ZC3H4: variants seen among roughly 807,000 people sequenced by gnomAD.
ZC3H4 encodes the protein zinc finger CCCH-type containing 4.
In ZC3H4, 13 loss-of-function variants were observed where a neutral mutation model predicts 108.3. That is an observed-to-expected ratio of 0.12 (90% CI 0.08 to 0.19). The LOEUF (loss-of-function observed/expected upper bound fraction) is 0.19. Among genes scored for constraint, ZC3H4 ranks in the 10% least tolerant of loss-of-function variants. The pLI is 1.00. For synonymous variants in ZC3H4, 917 were observed against 749.6 expected (o/e 1.22, Z -3.65); for missense variants, 1,734 against 1,838.8 (o/e 0.94, Z 1.04).
At chr19:47,070,808 C>T (rs944154168) in intron 13 of ZC3H4, among the ~76,000 whole-genome samples, 4 of 152,194 alleles carry the variant, frequency 2.6e-5, no homozygotes, top group Admixed American at 6.5e-5. Flanking sequence ...CTATGCCGCA[C>T]GTCCAGCGCC....
intron 9 of ZC3H4, 131 bp downstream of exon 9, chr19:47,084,214 A>G: frequency 1.2e-6 from 1 of 812,206 alleles, no homozygotes; most frequent in South Asian, 1.7e-5. Flanking sequence ...AGTATCGGCA[A>G]GTGTCCACAA....
Position 47,112,490 on chromosome 19 carries a change from C to T in ZC3H4, c.95G>A (p.Cys32Tyr). ...PPPSTPSPPPCSPDARPATPH... is the reference protein window; with the variant it reads ...PPPSTPSPPPYSPDARPATPH... ...GGTGGCCGGGCGGGCGTCGGGGGAA[C>T]ACGGAGGAGGCGAAGGCGTTGATGG... The change falls in exon 2 of 15, where the codon TGT (cysteine) becomes TAT (tyrosine). Residue 32 changes from cysteine (C) to tyrosine (Y), a missense_variant. Around this residue, in one of 9 missense-constraint regions of ZC3H4, gnomAD observed 112 missense variants for 73.3 expected, o/e 1.53. Coordinates refer to ENST00000253048, the MANE Select transcript of ZC3H4 (RefSeq NM_015168.2). The T allele has an allele frequency of 8.6e-7, 1 of 1,160,506 alleles. No homozygotes were observed. Among genetic ancestry groups the T allele is most frequent in the Non-Finnish European group, 1.1e-6 (1 of 914,650 alleles). 71.9% of individuals were successfully genotyped at this position (1,160,506 alleles called of 1,614,324 possible).
chr19:47,073,504 G>A (rs375416938), intron 11 of ZC3H4, among the ~76,000 whole-genome samples: 55 of 151,556 alleles, frequency 3.6e-4, no homozygotes, highest in African/African-American at 8.7e-4. Context: ...CCTGGGAGGC[G>A]GAGGTTCCAG....
rs901973961 is a variant in ZC3H4 at position 47,064,418 on chromosome 19, A to C, written c.*1938T>G. The C allele has an allele frequency of 1.3e-5, 2 of 152,460 alleles. No individual in the cohort carries two copies. Among genetic ancestry groups the C allele is most frequent in the Non-Finnish European group, 2.9e-5 (2 of 68,014 alleles). The allele number at this position is 152,460 out of a possible 1,614,324, so 9.4% of individuals were successfully genotyped here. On this transcript the variant is annotated 3_prime_UTR_variant, in exon 15 of 15. Transcript: ENST00000253048. ...TTGTTACAATCCTGGTTAGAGAACA[A>C]TTTTTCTTTAAAAGCTCGGCCTGAT...
intron 13 of ZC3H4, among the ~76,000 whole-genome samples, chr19:47,070,051 G>C (rs1383498807): frequency 6.6e-6 from 1 of 152,182 alleles, no homozygotes; most frequent in Non-Finnish European, 1.5e-5. Flanking sequence ...CAGGCGTAGA[G>C]GGGAGGGCAG....
At chr19:47,069,027 A>G in intron 14 of ZC3H4, 65 bp downstream of exon 14, 2 of 1,595,498 alleles carry the variant, frequency 1.3e-6, no homozygotes, top group African/African-American at 2.7e-5. Context: ...GGAACACCCC[A>G]CCACCGCCGC....
intron 2 of ZC3H4, among the ~76,000 whole-genome samples, chr19:47,109,481 G>T (rs939489183): frequency 6.6e-6 from 1 of 151,474 alleles, no homozygotes; most frequent in Admixed American, 6.6e-5. Flanking sequence ...CCTGGAGAAA[G>T]AATTTTACAA....
At chr19:47,089,105 C>T (rs2057684385) in intron 5 of ZC3H4, among the ~76,000 whole-genome samples, 1 of 147,142 alleles carries the variant, frequency 6.8e-6, no homozygotes, top group African/African-American at 2.5e-5. Flanking sequence ...ACTCAGGAGG[C>T]TGAGGCAGAA....
chr19:47,112,383 T>G, intron 2 of ZC3H4, 41 bp downstream of exon 2: 1 of 1,228,370 alleles, frequency 8.1e-7, no homozygotes, highest in Non-Finnish European at 1.0e-6. Context: ...CTCCTCTTCC[T>G]CCCCCCGGGG....
chr19:47,080,962 G>A (rs1336565865), intron 11 of ZC3H4, among the ~76,000 whole-genome samples: 3 of 151,950 alleles, frequency 2.0e-5, no homozygotes, highest in South Asian at 2.1e-4. Flanking sequence ...TTTAAGAGAC[G>A]GGGTTTTGCC....
chr19:47,086,010 G>A (rs1177529137), intron 6 of ZC3H4, among the ~76,000 whole-genome samples: 1 of 152,066 alleles, frequency 6.6e-6, no homozygotes, highest in African/African-American at 2.4e-5. Context: ...TGGGACTACA[G>A]GCGCGTGCTA....
At chr19:47,107,238 T>C (rs749723845) in intron 2 of ZC3H4, among the ~76,000 whole-genome samples, 3 of 152,204 alleles carry the variant, frequency 2.0e-5, no homozygotes, top group Non-Finnish European at 2.9e-5. Context: ...TAGATGTTAT[T>C]CTTACTTCTG....
At chr19:47,113,009 G>C (rs1359729895) in intron 1 of ZC3H4, among the ~76,000 whole-genome samples, 1 of 152,268 alleles carries the variant, frequency 6.6e-6, no homozygotes, top group Non-Finnish European at 1.5e-5. Flanking sequence ...AAGGATTTGA[G>C]GGAGAGAGGG....
At chr19:47,080,476 C>T (rs916964411) in intron 11 of ZC3H4, among the ~76,000 whole-genome samples, 12 of 152,088 alleles carry the variant, frequency 7.9e-5, no homozygotes, top group African/African-American at 2.2e-4. Context: ...ATCCTTGCCT[C>T]GTCTTTGTGT....
chr19:47,066,962 C>G lies in ZC3H4; in HGVS notation c.3306G>C (p.Ala1102=), dbSNP rs765208987. The change falls in exon 15 of 15, where the codon GCG becomes GCC. Residue 1102 remains alanine, a synonymous_variant. Transcript: ENST00000253048. Reference sequence around the variant, plus strand: ...CACTCGGGCTGGCGGTGGGAGAGGGCGCCTCAGCAGGGCCGGGCTTGGCAG... The same window carrying G: ...CACTCGGGCTGGCGGTGGGAGAGGGGGCCTCAGCAGGGCCGGGCTTGGCAG... ...SRAAKPGPAE[A]PSPTASPSGD... is the part of the protein sequence containing the mutation. The G allele has an allele frequency of 6.3e-7, 1 of 1,591,884 alleles. No individual in the cohort carries two copies. The highest frequency in any genetic ancestry group is 8.5e-7 in the Non-Finnish European group (1 of 1,169,774).
rs1260380743 is a variant in ZC3H4, at chr19:47,099,402, T to C, written c.162-4794A>G. Reference sequence around the variant, plus strand: ...TGAACCTGGGAGGCGGAGGTTGCAGTGAGCCAAGATCACGCCACTACACTC... The same window carrying C: ...TGAACCTGGGAGGCGGAGGTTGCAGCGAGCCAAGATCACGCCACTACACTC... On this transcript the variant is annotated intron_variant, in intron 2 of 14. Transcript: ENST00000253048. Among the ~76,000 whole-genome samples the C allele has an allele frequency of 5.3e-5, 8 of 150,014 alleles. No homozygotes were observed. The Admixed American group carries it at 5.4e-4, about 10-fold the overall frequency.
intron 2 of ZC3H4, among the ~76,000 whole-genome samples, chr19:47,094,915 G>T (rs1301786536): frequency 6.6e-6 from 1 of 152,232 alleles, no homozygotes; most frequent in Non-Finnish European, 1.5e-5. Context: ...AAACCGACAA[G>T]GTGCTGTGGT....
chr19:47,080,944 A>T (rs1568543779), intron 11 of ZC3H4, among the ~76,000 whole-genome samples: 1 of 148,954 alleles, frequency 6.7e-6, no homozygotes, highest in African/African-American at 2.5e-5. Flanking sequence ...AGTTTTTTGT[A>T]TTTTTTTTTT....
chr19:47,078,325 T>C (rs1300629848), intron 11 of ZC3H4, among the ~76,000 whole-genome samples: 8 of 151,726 alleles, frequency 5.3e-5, no homozygotes, highest in Admixed American at 3.3e-4. Context: ...AATACAAAAA[T>C]TAGCCAGGCA....
Sources: gnomAD v4.1 joint callset for allele counts (sites outside exome capture counted in the v4.1 genomes callset) on GRCh38, gnomAD v4.1.1 for gene constraint, gnomAD v4.1.1 regional missense constraint, MANE v1.5 for transcripts, NCBI Gene and HGNC (gene_info 2026-07-23, HGNC 2026-07-21) for gene names.